Variants in SGCD observed in about 807,000 individuals in gnomAD.
SGCD encodes delta-sarcoglycan.
In SGCD, 18 loss-of-function variants were observed where a neutral mutation model predicts 36.6. That is an observed-to-expected ratio of 0.49 (90% CI 0.34 to 0.73). The LOEUF (loss-of-function observed/expected upper bound fraction) is 0.73. Among genes scored for constraint, SGCD ranks in the 30% least tolerant of loss-of-function variants. The pLI, the probability that SGCD is intolerant of heterozygous loss-of-function variation, is 0.01. For missense variants in SGCD, 387 were observed against 346.7 expected (o/e 1.12, Z -0.92); for synonymous variants, 133 against 130.6 (o/e 1.02, Z -0.12).
In SGCD at chr5:156,141,228, C is replaced by T. The variant is rs540307798; in HGVS notation, c.-44+17209C>T. On this transcript the variant is annotated intron_variant, in intron 3 of 9. Transcript: ENST00000517913. ...CCCAGGCAGAGAATTGCCACAGGGG[C>T]GGGAAGGCAAGAGCGTCCCTACTAG... 1.2e-4 allele frequency among the ~76,000 whole-genome samples: 19 copies of T among 152,298 alleles called. 1 individual carries two copies. The East Asian group carries it at 2.3e-3, about 19-fold the overall frequency.
chr5:156,287,426 G>A (rs575209879), intron 3 of SGCD, among the ~76,000 whole-genome samples: 34 of 151,998 alleles, frequency 2.2e-4, no homozygotes, highest in South Asian at 2.1e-4. Context: ...GCATGAAACC[G>A]AAGGAACAGA....
Position 155,955,034 on chromosome 5 carries a change from C to T in SGCD, c.-282+84610C>T, listed in dbSNP as rs937204838. ...CTTGCTCAAGCTGCCAGGAAGGAGG[C>T]GTTCCATCCTACTTGCAGGAGGGTC... On this transcript the variant is annotated intron_variant, in intron 1 of 9. Coordinates refer to the SGCD transcript ENST00000517913. 1.1e-4 allele frequency among the ~76,000 whole-genome samples: 16 copies of T among 152,132 alleles called. No homozygotes were observed. The East Asian group carries it at 1.5e-3, about 15-fold the overall frequency.
chr5:156,444,097 T>TC (rs1753635793), intron 3 of SGCD, among the ~76,000 whole-genome samples: 3 of 119,214 alleles, frequency 2.5e-5, no homozygotes, highest in African/African-American at 1.1e-4. Flanking sequence ...TCTCTCTCTC[T>TC]CTCTCTCTCT....
chr5:155,899,103 G>T (rs1253180695), intron 1 of SGCD, among the ~76,000 whole-genome samples: 1 of 152,152 alleles, frequency 6.6e-6, no homozygotes, highest in Non-Finnish European at 1.5e-5. Flanking sequence ...AGAGAATGTG[G>T]CATTAAACAA....
chr5:156,473,566 G>A (rs1755058672), intron 3 of SGCD, among the ~76,000 whole-genome samples: 1 of 152,204 alleles, frequency 6.6e-6, no homozygotes, highest in East Asian at 1.9e-4. Flanking sequence ...ACAGAAAGAA[G>A]AACCATAGAC....
chr5:156,221,557 A>C, intron 3 of SGCD, among the ~76,000 whole-genome samples: 1 of 151,786 alleles, frequency 6.6e-6, no homozygotes, highest in East Asian at 1.9e-4. Context: ...ATCTAATGAG[A>C]TTTAAAAAAA....
intron 1 of SGCD, among the ~76,000 whole-genome samples, chr5:156,030,168 T>G (rs1246727173): frequency 6.6e-6 from 1 of 152,202 alleles, no homozygotes; most frequent in Non-Finnish European, 1.5e-5. Context: ...TACTCTTGAT[T>G]AGGGGTGATA....
chr5:155,828,047 A>G, the SGCD span, among the ~76,000 whole-genome samples: 18 of 152,008 alleles, frequency 1.2e-4, no homozygotes, highest in Admixed American at 2.0e-4. Flanking sequence ...GGTGATGAGT[A>G]ATACACACTT....
chr5:156,652,332 AG>A (rs111846824), intron 7 of SGCD, among the ~76,000 whole-genome samples: 3,862 of 151,470 alleles, frequency 0.025, 108 homozygotes, highest in African/African-American at 0.06. Flanking sequence ...AGAAAAAAAA[AG>A]TTAATAGCCA....
chr5:156,052,120 C>G (rs1037309881), intron 1 of SGCD, among the ~76,000 whole-genome samples: 5 of 146,328 alleles, frequency 3.4e-5, no homozygotes, highest in Admixed American at 3.4e-4. Context: ...TAGAGCACTT[C>G]CGCCCACAGC....
At chr5:156,377,227 C>T (rs1166348753) in intron 3 of SGCD, among the ~76,000 whole-genome samples, 1 of 152,068 alleles carries the variant, frequency 6.6e-6, no homozygotes, top group African/African-American at 2.4e-5. Context: ...CAGCATTAAG[C>T]TGAATCTTCT....
At chr5:155,792,975 C>T in the SGCD span, among the ~76,000 whole-genome samples, 2 of 152,110 alleles carry the variant, frequency 1.3e-5, no homozygotes, top group South Asian at 4.1e-4. Context: ...CAGAGCTGTT[C>T]ACAATAGCAA....
chr5:156,709,786 G>T (rs1754903014), intron 7 of SGCD, among the ~76,000 whole-genome samples: 1 of 152,098 alleles, frequency 6.6e-6, no homozygotes, highest in African/African-American at 2.4e-5. Context: ...TGTGTGCTTA[G>T]AATGGGGCAG....
At chr5:156,300,592 T>C (rs1767030101) in intron 3 of SGCD, among the ~76,000 whole-genome samples, 1 of 152,112 alleles carries the variant, frequency 6.6e-6, no homozygotes, top group South Asian at 2.1e-4. Context: ...TCTGAAACCT[T>C]TGGATAGAAT....
chr5:155,806,255 A>T, the SGCD span, among the ~76,000 whole-genome samples: 61 of 152,264 alleles, frequency 4.0e-4, no homozygotes, highest in African/African-American at 1.4e-3. Context: ...CCTGGGTTCA[A>T]GCGATTCTCC....
the SGCD span, among the ~76,000 whole-genome samples, chr5:155,758,060 T>C: frequency 6.6e-6 from 1 of 152,138 alleles, no homozygotes; most frequent in Non-Finnish European, 1.5e-5. Flanking sequence ...ACCTCTTTCC[T>C]GTGTAAATTG....
chr5:156,351,123 G>A (rs965722213), intron 3 of SGCD, among the ~76,000 whole-genome samples: 3 of 152,154 alleles, frequency 2.0e-5, no homozygotes, highest in Non-Finnish European at 2.9e-5. Context: ...TGGTAGTTCC[G>A]AATGTTTGGT....
At chr5:156,308,392 G>A (rs143136453) in intron 3 of SGCD, among the ~76,000 whole-genome samples, 6,880 of 151,804 alleles carry the variant, frequency 0.045, 313 homozygotes, top group African/African-American at 0.11. Context: ...TCCGCCTCCC[G>A]GGTTCACGCC....
chr5:156,677,759 A>C (rs571458597), intron 7 of SGCD, among the ~76,000 whole-genome samples: 1 of 152,238 alleles, frequency 6.6e-6, no homozygotes, highest in South Asian at 2.1e-4. Context: ...TTCTTGCTAA[A>C]CCCTACCACT....
Sources: gnomAD v4.1 joint callset for allele counts (sites outside exome capture counted in the v4.1 genomes callset) on GRCh38, gnomAD v4.1.1 for gene constraint, MANE v1.5 for transcripts, NCBI Gene and HGNC (gene_info 2026-07-23, HGNC 2026-07-21) for gene names.